Variants in TKT observed in about 807,000 individuals in gnomAD.
TKT encodes epididymis luminal protein 107.
Under a neutral mutation model 63.9 loss-of-function variants are expected in TKT, and 47 were observed. The ratio of observed to expected loss-of-function variants is 0.74; its 90% CI spans 0.58 to 0.94. The LOEUF is 0.94. TKT is among the 40% of genes least tolerant of loss of function. The probability of loss-of-function intolerance (pLI) is 0.00; values close to 1 mark genes in which losing one functional copy is unlikely to be tolerated. For synonymous variants in TKT, 338 were observed against 334.1 expected, an observed-to-expected ratio of 1.01 and a Z score of -0.13; for missense variants, 721 against 846.2, an observed-to-expected ratio of 0.85 and a Z score of 1.84.
intron 6 of TKT, chr3:53,232,466 C>A: frequency 2.5e-6 from 1 of 398,996 alleles, no homozygotes; most frequent in Non-Finnish European, 4.4e-6. Flanking sequence ...GGGAAGCCGA[C>A]CCAGGCCCTG....
chr3:53,247,868 T>G (rs560574888), intron 1 of TKT, among the ~76,000 whole-genome samples: 7 of 152,088 alleles, frequency 4.6e-5, no homozygotes, highest in African/African-American at 7.2e-5. Context: ...CTTCTTCCCC[T>G]CACTCATGCT....
At chr3:53,230,995 T>C (rs73840256) in intron 7 of TKT, among the ~76,000 whole-genome samples, 27,171 of 152,078 alleles carry the variant, frequency 0.18, 2,523 homozygotes, top group South Asian at 0.29. Context: ...AAACCTGGAG[T>C]GGGACAGCTC....
Position 53,228,062 on chromosome 3 carries a change from T to A in TKT, c.1567A>T (p.Lys523Ter). The change falls in exon 12 of 14, where the codon AAG (lysine) becomes TAG (stop). Residue 523 changes from lysine to a stop codon, truncating the protein, a stop_gained. Transcript: ENST00000462138. LOFTEE classifies it high-confidence loss of function. ...HEALAAAELL[K>*]KEKINIRVLD... ...GGAGGCCCCTTCTCCTCACCTTTCT[T>A]CAGCAGTTCGGCAGCGGCCAAGGCC... is the stretch of plus-strand genomic sequence containing the variant. 6.2e-7 allele frequency: 1 copy of A among 1,612,582 alleles called. No individual in the cohort carries two copies. The highest frequency in any genetic ancestry group is 1.1e-5 in the South Asian group (1 of 91,010).
At chr3:53,230,810 T>C (rs1440578234) in intron 7 of TKT, among the ~76,000 whole-genome samples, 189 bp from the exon 8 acceptor site, 2 of 53,304 alleles carry the variant, frequency 3.8e-5, no homozygotes, top group Non-Finnish European at 7.9e-5. Flanking sequence ...TGGGAGCCCC[T>C]GGAGCCCCGG....
intron 12 of TKT, chr3:53,227,204 TC>T (rs1199133774): frequency 1.3e-5 from 3 of 234,528 alleles, no homozygotes; most frequent in Non-Finnish European, 2.5e-5. Flanking sequence ...ACCCCAGGTG[TC>T]TGGCCTGATG....
At chr3:53,226,093 TTTTA>T in intron 13 of TKT, 162 bp from the exon 14 acceptor site, 1 of 600,894 alleles carries the variant, frequency 1.7e-6, no homozygotes, top group Admixed American at 3.5e-5. Context: ...ATTTTTTTTA[TTTTA>T]AAGAGACAGA....
intron 1 of TKT, among the ~76,000 whole-genome samples, 183 bp downstream of exon 1, chr3:53,255,653 C>A (rs567057905): frequency 3.3e-5 from 5 of 152,114 alleles, no homozygotes; most frequent in Admixed American, 6.5e-5. Flanking sequence ...GTGTGCGGCG[C>A]AGCGGAAGCC....
intron 5 of TKT, chr3:53,234,224 G>T (rs2106681685): frequency 6.6e-6 from 1 of 152,396 alleles, no homozygotes; most frequent in South Asian, 2.1e-4. Flanking sequence ...TGCGTATGCT[G>T]TGCTACTGCA....
chr3:53,232,415 C>T, intron 6 of TKT: 1 of 398,842 alleles, frequency 2.5e-6, no homozygotes. Context: ...CAAGCCACAA[C>T]CCCTGAGAGC....
intron 3 of TKT, among the ~76,000 whole-genome samples, chr3:53,240,583 G>A (rs1705230588): frequency 6.6e-6 from 1 of 152,206 alleles, no homozygotes; most frequent in African/African-American, 2.4e-5. Context: ...TCAGGCAAGG[G>A]ACTGAACCTC....
chr3:53,249,111 T>A (rs1208093938), intron 1 of TKT, among the ~76,000 whole-genome samples: 1 of 151,742 alleles, frequency 6.6e-6, no homozygotes, highest in Admixed American at 6.6e-5. Context: ...GGGTTACAGG[T>A]GCCTGCTACC....
chr3:53,248,553 C>T (rs915491855), intron 1 of TKT, among the ~76,000 whole-genome samples: 2 of 152,094 alleles, frequency 1.3e-5, no homozygotes, highest in Non-Finnish European at 2.9e-5. Flanking sequence ...TGCTTGATCC[C>T]GGGAGGTTGA....
In TKT at chr3:53,249,932, T is replaced by C. The variant is rs79632888; in HGVS notation, c.107+5904A>G. Among the ~76,000 whole-genome samples, 1,450 of 152,278 alleles carry C rather than the reference T, an allele frequency of 9.5e-3. 24 individuals carry two copies. The highest frequency in any genetic ancestry group is 0.033 in the African/African-American group (1,387 of 41,546). On this transcript the variant is annotated intron_variant, in intron 1 of 13. Transcript: ENST00000462138. The stretch of plus-strand genomic sequence containing the variant: ...AACTAGGCGACAGTGACAACAAGCC[T>C]GCCACAAGAGACAATGAATGTTGAG...
At chr3:53,246,371 A>T (rs1705504352) in intron 1 of TKT, among the ~76,000 whole-genome samples, 1 of 152,244 alleles carries the variant, frequency 6.6e-6, no homozygotes, top group Non-Finnish European at 1.5e-5. Flanking sequence ...GTTTATCAAT[A>T]GACGAGGTTA....
Position 53,253,179 on chromosome 3 carries a change from T to TTA in TKT, c.107+2656_107+2657insTA, listed in dbSNP as rs570538632. Among the ~76,000 whole-genome samples, 17 of 152,304 alleles carry TTA rather than the reference T, an allele frequency of 1.1e-4. No homozygotes were observed. In the East Asian group the frequency reaches 3.3e-3, roughly 29 times the overall value. Reference sequence around the variant, plus strand: ...ATTTTTGGAGACAGGGTCTTGCTAATGTTACCCAGGCTGGTCTTGAACTCC... The same window carrying TTA: ...ATTTTTGGAGACAGGGTCTTGCTAATTAGTTACCCAGGCTGGTCTTGAACTCC... On this transcript the variant is annotated intron_variant, in intron 1 of 13. Coordinates refer to ENST00000462138, the MANE Select transcript of TKT (RefSeq NM_001064.4).
intron 4 of TKT, among the ~76,000 whole-genome samples, chr3:53,238,639 C>G (rs555032330): frequency 2.0e-5 from 3 of 152,198 alleles, no homozygotes; most frequent in Admixed American, 6.5e-5. Context: ...TCACACCCTG[C>G]GGGCTGGCCC....
intron 7 of TKT, 44 bp downstream of exon 7, chr3:53,231,313 A>C: frequency 5.0e-6 from 8 of 1,599,930 alleles, no homozygotes; most frequent in Non-Finnish European, 6.0e-6. Context: ...AGACTTGGGA[A>C]ACCTGAGAAC....
chr3:53,253,567 C>A (rs1705850918), intron 1 of TKT, among the ~76,000 whole-genome samples: 1 of 152,220 alleles, frequency 6.6e-6, no homozygotes, highest in Non-Finnish European at 1.5e-5. Flanking sequence ...GGTCAAGAGA[C>A]CAGCCTGGCC....
intron 4 of TKT, among the ~76,000 whole-genome samples, chr3:53,235,967 G>A (rs1006181781): frequency 6.6e-6 from 1 of 152,292 alleles, no homozygotes; most frequent in Non-Finnish European, 1.5e-5. Flanking sequence ...GGGGATGGGG[G>A]TAGCAGAGGG....
Sources: gnomAD v4.1 joint callset for allele counts (sites outside exome capture counted in the v4.1 genomes callset) on GRCh38, gnomAD v4.1.1 for gene constraint, MANE v1.5 for transcripts, NCBI Gene and HGNC (gene_info 2026-07-23, HGNC 2026-07-21) for gene names.